The following APBA1 variants were observed in gnomAD, a reference collection of about 807,000 sequenced individuals.
APBA1 encodes amyloid-beta A4 precursor protein-binding family A member 1.
Under a neutral mutation model 86.6 loss-of-function variants are expected in APBA1, and 55 were observed. The observed-to-expected ratio is 0.64, with a 90% CI of 0.51 to 0.80. APBA1 has a LOEUF of 0.80. APBA1 is among the 30% of genes least tolerant of loss of function. The probability of loss-of-function intolerance (pLI) is 0.00; values close to 1 mark genes in which losing one functional copy is unlikely to be tolerated. For missense variants in APBA1, 1,090 were observed against 1,183.0 expected, an observed-to-expected ratio of 0.92 and a Z score of 1.15; for synonymous variants, 511 against 493.9, an observed-to-expected ratio of 1.03 and a Z score of -0.46.
Position 69,516,967 on chromosome 9 carries a change from C to T in APBA1, c.244G>A (p.Glu82Lys), listed in dbSNP as rs761341201. Residue 82 changes from glutamate to lysine, a missense_variant, in exon 2 of 13, where the codon GAG (glutamate) becomes AAG (lysine). Physicochemically the swap from Glu to Lys is moderately conservative, Grantham distance 56 (BLOSUM62 1). Coordinates refer to ENST00000265381, the MANE Select transcript of APBA1 (RefSeq NM_001163.4). The surrounding 1 kb of genome is among the most constrained non-coding windows in gnomAD (Gnocchi z 7.3). ...GECLARSAST[E>K]SGFHNHTDTA... ...TCCGTGTGGTTGTGGAAGCCGCTCT[C>T]CGTGCTGGCTGAGCGCGCCAGGCAT... is the stretch of plus-strand genomic sequence containing the variant. The T allele has an allele frequency of 6.3e-7, 1 of 1,591,898 alleles. No individual in the cohort carries two copies. Among genetic ancestry groups the T allele is most frequent in the Admixed American group, 1.7e-5 (1 of 59,072 alleles).
At chr9:69,528,114 C>T (rs1588342746) in intron 1 of APBA1, among the ~76,000 whole-genome samples, 1 of 152,128 alleles carries the variant, frequency 6.6e-6, no homozygotes, top group African/African-American at 2.4e-5. Context: ...TATAAGCCTT[C>T]ATCCTCACAG....
intron 1 of APBA1, among the ~76,000 whole-genome samples, chr9:69,590,064 A>G (rs914338876): frequency 6.6e-6 from 1 of 152,072 alleles, no homozygotes; most frequent in Non-Finnish European, 1.5e-5. Flanking sequence ...CTCAGCTCCA[A>G]TGACACCTGC....
At chr9:69,456,111 T>C (rs1835091748) in intron 8 of APBA1, 136 bp downstream of exon 8, 2 of 989,174 alleles carry the variant, frequency 2.0e-6, no homozygotes, top group Admixed American at 3.9e-5. Flanking sequence ...CTTATATCTC[T>C]AGTGCTGGAA....
intron 1 of APBA1, among the ~76,000 whole-genome samples, chr9:69,609,797 T>A (rs1343851693): frequency 6.6e-6 from 1 of 152,102 alleles, no homozygotes; most frequent in Admixed American, 6.5e-5. Context: ...GTGAGTTTGT[T>A]GTTGTTGTTG....
chr9:69,472,032 T>C (rs1198619928), intron 3 of APBA1, among the ~76,000 whole-genome samples: 2 of 152,210 alleles, frequency 1.3e-5, no homozygotes, highest in Non-Finnish European at 2.9e-5. Flanking sequence ...CATTTCCATG[T>C]GAAAAACTGA....
chr9:69,593,345 C>T (rs1412043719), intron 1 of APBA1, among the ~76,000 whole-genome samples: 1 of 152,168 alleles, frequency 6.6e-6, no homozygotes, highest in African/African-American at 2.4e-5. Flanking sequence ...AGCAACCACA[C>T]TATCATGCAT....
chr9:69,501,760 T>C (rs1365585422), intron 2 of APBA1, among the ~76,000 whole-genome samples: 1 of 152,010 alleles, frequency 6.6e-6, no homozygotes, highest in Admixed American at 6.6e-5. Context: ...CCCAGGAGTG[T>C]GAGGCTGCAG....
intron 4 of APBA1, among the ~76,000 whole-genome samples, chr9:69,468,408 A>G (rs1286596672): frequency 7.5e-6 from 1 of 132,776 alleles, no homozygotes; most frequent in Non-Finnish European, 1.6e-5. Flanking sequence ...AAAGCTTTTT[A>G]CAGCAATTCC....
chr9:69,575,599 A>G (rs1331740724), intron 1 of APBA1, among the ~76,000 whole-genome samples: 7 of 152,214 alleles, frequency 4.6e-5, no homozygotes, highest in African/African-American at 1.7e-4. Context: ...AAAAACAAGA[A>G]ATAGGGAAAG....
intron 2 of APBA1, among the ~76,000 whole-genome samples, chr9:69,499,436 G>A (rs1835847834): frequency 6.6e-6 from 1 of 152,042 alleles, no homozygotes; most frequent in Admixed American, 6.6e-5. Flanking sequence ...AATTTTGTCT[G>A]TTCAGAACTC....
chr9:69,593,433 T>G (rs944953633), intron 1 of APBA1, among the ~76,000 whole-genome samples: 1 of 151,792 alleles, frequency 6.6e-6, no homozygotes, highest in East Asian at 1.9e-4. Context: ...CAATCATAAC[T>G]GAAAAGATAT....
chr9:69,434,654 C>A (rs1429208129), intron 11 of APBA1, among the ~76,000 whole-genome samples: 1 of 150,898 alleles, frequency 6.6e-6, no homozygotes, highest in Non-Finnish European at 1.5e-5. Flanking sequence ...TTGCAGTGAG[C>A]CGAGATCGTG....
At chr9:69,440,504 C>T (rs113624046) in intron 11 of APBA1, among the ~76,000 whole-genome samples, 4,041 of 152,092 alleles carry the variant, frequency 0.027, 93 homozygotes, top group African/African-American at 0.065. Flanking sequence ...CCCCCAGCCT[C>T]GCTGCCACCT....
Position 69,569,033 on chromosome 9 carries a change from G to T in APBA1, c.-69-51754C>A, listed in dbSNP as rs953416488. Reference sequence around the variant, plus strand: ...AAAAGGATGCTCAAAGCAAAAAGAGGTGAAATGTGAAAGAATGAATATTGA... The same window carrying T: ...AAAAGGATGCTCAAAGCAAAAAGAGTTGAAATGTGAAAGAATGAATATTGA... On this transcript the variant is annotated intron_variant, in intron 1 of 12. Transcript: ENST00000265381. Among the ~76,000 whole-genome samples the T allele has an allele frequency of 6.6e-5, 10 of 152,318 alleles. No homozygotes were observed. The South Asian group carries it at 1.9e-3, about 28-fold the overall frequency.
At chr9:69,552,457 C>T (rs547348425) in intron 1 of APBA1, among the ~76,000 whole-genome samples, 89 of 152,312 alleles carry the variant, frequency 5.8e-4, no homozygotes, top group African/African-American at 2.1e-3. Context: ...CTCTAAGTAA[C>T]TTATTCCCCC....
chr9:69,661,304 G>C (rs1293305770), intron 1 of APBA1, among the ~76,000 whole-genome samples: 1 of 152,204 alleles, frequency 6.6e-6, no homozygotes, highest in Non-Finnish European at 1.5e-5. Flanking sequence ...GAACTAGGTA[G>C]GGAGTCACTT....
intron 5 of APBA1, chr9:69,460,953 A>C (rs1037799615): frequency 1.3e-5 from 2 of 151,712 alleles, no homozygotes; most frequent in African/African-American, 4.8e-5. Context: ...CTGATTTCAA[A>C]CTCCTGACCT....
At chr9:69,562,913 C>T (rs1836970073) in intron 1 of APBA1, among the ~76,000 whole-genome samples, 1 of 152,178 alleles carries the variant, frequency 6.6e-6, no homozygotes, top group Non-Finnish European at 1.5e-5. Flanking sequence ...CTGAAAACTA[C>T]AGAAAATAAT....
At chr9:69,497,334 C>T (rs931980872) in intron 2 of APBA1, among the ~76,000 whole-genome samples, 11 of 152,070 alleles carry the variant, frequency 7.2e-5, no homozygotes, top group African/African-American at 2.7e-4. Context: ...GGCCTGCACT[C>T]TCCTGTGCGG....
Sources: allele counts gnomAD v4.1 joint callset (sites outside exome capture counted in the v4.1 genomes callset), GRCh38; gene constraint gnomAD v4.1.1; non-coding constraint Gnocchi (gnomAD v3.1); transcripts MANE v1.5; gene names NCBI Gene and HGNC (gene_info 2026-07-23, HGNC 2026-07-21).